ATP6V0A4: variants seen among roughly 807,000 people sequenced by gnomAD.
ATP6V0A4 encodes the protein V-type proton ATPase 116 kDa subunit a 4.
A neutral mutation model predicts 107.3 loss-of-function variants in ATP6V0A4; 86 were observed. The observed-to-expected ratio is 0.80, with a 90% confidence interval of 0.67 to 0.96. ATP6V0A4 has a LOEUF of 0.96. Among genes scored for constraint, ATP6V0A4 ranks in the 40% least tolerant of loss-of-function variants. The pLI is 0.00. For synonymous variants in ATP6V0A4, 353 were observed against 381.4 expected (o/e 0.93, Z 0.87); for missense variants, 908 against 1,045.6 (o/e 0.87, Z 1.81).
At chr7:138,739,398 T>C in intron 15 of ATP6V0A4, 142 bp downstream of exon 15, 1 of 1,059,256 alleles carries the variant, frequency 9.4e-7, no homozygotes, top group East Asian at 2.6e-5. Context: ...GCTCTATGTG[T>C]CACAAAAACG....
chr7:138,717,170 G>T (rs954857412), intron 19 of ATP6V0A4, among the ~76,000 whole-genome samples: 9 of 152,166 alleles, frequency 5.9e-5, no homozygotes, highest in Non-Finnish European at 1.2e-4. Context: ...TGGGAGCTCA[G>T]GTGGAACTAC....
chr7:138,784,400 G>A (rs1808089724), intron 2 of ATP6V0A4, among the ~76,000 whole-genome samples: 2 of 148,718 alleles, frequency 1.3e-5, no homozygotes, highest in Admixed American at 6.7e-5. Context: ...CTCACTGCAA[G>A]CTCCGTCTCC....
intron 5 of ATP6V0A4, among the ~76,000 whole-genome samples, chr7:138,768,212 G>A (rs1381966643): frequency 6.6e-6 from 1 of 152,146 alleles, no homozygotes; most frequent in Non-Finnish European, 1.5e-5. Flanking sequence ...GATTACAGGG[G>A]TGAGCCACTG....
At chr7:138,746,382 A>T (rs1322253441) in intron 13 of ATP6V0A4, among the ~76,000 whole-genome samples, 1 of 152,160 alleles carries the variant, frequency 6.6e-6, no homozygotes, top group Non-Finnish European at 1.5e-5. Context: ...AATGTTTACC[A>T]TACAAAATCA....
intron 18 of ATP6V0A4, among the ~76,000 whole-genome samples, chr7:138,724,189 CAAAAAAA>C (rs3080498): frequency 2.2e-5 from 2 of 92,818 alleles, no homozygotes; most frequent in Non-Finnish European, 4.2e-5. Flanking sequence ...GACTCTGCCT[CAAAAAAA>C]AAAAAAAAAA....
At chr7:138,719,797 A>C (rs1804337871) in intron 19 of ATP6V0A4, among the ~76,000 whole-genome samples, 1 of 152,184 alleles carries the variant, frequency 6.6e-6, no homozygotes, top group Non-Finnish European at 1.5e-5. Context: ...AGGTAGGCGG[A>C]TCACCTGAGG....
At chr7:138,787,779 C>T (rs2130213701) in intron 1 of ATP6V0A4, among the ~76,000 whole-genome samples, 1 of 152,278 alleles carries the variant, frequency 6.6e-6, no homozygotes, top group Non-Finnish European at 1.5e-5. Context: ...GGAAGGATCG[C>T]TTGAGCCCAG....
Position 138,749,269 on chromosome 7 carries a change from T to C in ATP6V0A4, c.1078A>G (p.Lys360Glu). 1 of 1,613,830 alleles carries C rather than the reference T, an allele frequency of 6.2e-7. No homozygotes were observed. The highest frequency in any genetic ancestry group is 8.5e-7 in the Non-Finnish European group (1 of 1,179,976). ...MAPIMTTVQS[K>E]TAPPTFNRTN... is the part of the protein sequence containing the mutation. ...CTGTTAAATGTGGGAGGGGCTGTTT[T>C]AGATTGCACTGTGGTCATGATGGGG... The change falls in exon 12 of 22, where the codon AAA becomes GAA. Residue 360 changes from lysine to glutamate, a missense_variant. By Grantham distance (56) the Lys-to-Glu change is moderately conservative. Transcript: ENST00000310018.
intron 13 of ATP6V0A4, among the ~76,000 whole-genome samples, chr7:138,745,688 T>C (rs1805888554): frequency 2.8e-5 from 2 of 70,592 alleles, no homozygotes; most frequent in African/African-American, 5.6e-5. Flanking sequence ...GTGTGATGGC[T>C]CACACCTGTA....
intron 2 of ATP6V0A4, among the ~76,000 whole-genome samples, chr7:138,783,518 G>C (rs1808013363): frequency 6.6e-6 from 1 of 152,088 alleles, no homozygotes; most frequent in Non-Finnish European, 1.5e-5. Context: ...TTGAGCCCAG[G>C]AGTTTCAGAC....
At chr7:138,707,783 G>C (rs935754594) in intron 21 of ATP6V0A4, among the ~76,000 whole-genome samples, 1 of 149,898 alleles carries the variant, frequency 6.7e-6, no homozygotes, top group Admixed American at 6.7e-5. Flanking sequence ...TTTCCTCCAG[G>C]CCTCTCTGCT....
chr7:138,772,879 C>CAGGT (rs1313375377), intron 2 of ATP6V0A4, among the ~76,000 whole-genome samples: 1 of 152,122 alleles, frequency 6.6e-6, no homozygotes, highest in Non-Finnish European at 1.5e-5. Context: ...TCACTTAGAA[C>CAGGT]AGGTGGCAGG....
chr7:138,778,412 C>T (rs1407333747), intron 2 of ATP6V0A4, among the ~76,000 whole-genome samples: 1 of 124,042 alleles, frequency 8.1e-6, no homozygotes, highest in Non-Finnish European at 1.7e-5. Context: ...GGGTCCCATC[C>T]CCAAGACATC....
intron 10 of ATP6V0A4, among the ~76,000 whole-genome samples, chr7:138,754,340 C>T (rs1563003393): frequency 6.6e-6 from 1 of 150,652 alleles, no homozygotes; most frequent in South Asian, 2.1e-4. Context: ...CCCAGCTACT[C>T]GGAAGGCTGA....
In ATP6V0A4 at chr7:138,745,602, G is replaced by A. The variant is rs955909875; in HGVS notation, c.1321-322C>T. ...CGAGGCAGGAGAATCACTTGAACCT[G>A]GGAGTTGGAGGCTGCAGTGAGCCAA... On this transcript the variant is annotated intron_variant, in intron 13 of 21. Transcript: ENST00000310018. 2.1e-5 allele frequency among the ~76,000 whole-genome samples: 3 copies of A among 142,962 alleles called. No homozygotes were observed. In the South Asian group the frequency reaches 6.6e-4, roughly 31 times the overall value. The allele number at this position is 142,962 out of a possible 152,430, so 93.8% of individuals were successfully genotyped here. A position where few individuals can be genotyped will look rare whatever the true frequency, so the allele number is the denominator to read the frequency against.
intron 11 of ATP6V0A4, 89 bp from the exon 12 acceptor site, chr7:138,749,406 G>A (rs985093254): frequency 1.3e-5 from 19 of 1,495,192 alleles, no homozygotes; most frequent in East Asian, 4.5e-5. Flanking sequence ...AGCTCCTGCC[G>A]TCCCTCACTG....
chr7:138,712,615 C>T (rs1803802150), intron 20 of ATP6V0A4, among the ~76,000 whole-genome samples: 1 of 152,098 alleles, frequency 6.6e-6, no homozygotes. Context: ...CCCATTTTTC[C>T]ACATTACCTC....
chr7:138,747,660 T>C, intron 12 of ATP6V0A4, 96 bp from the exon 13 acceptor site: 1 of 1,549,876 alleles, frequency 6.5e-7, no homozygotes. Flanking sequence ...TGCATGCGGG[T>C]TTCCTTAAGC....
intron 20 of ATP6V0A4, among the ~76,000 whole-genome samples, chr7:138,714,296 G>A (rs906864539): frequency 6.0e-5 from 9 of 151,196 alleles, no homozygotes; most frequent in African/African-American, 1.7e-4. Context: ...GGTCTGGAGT[G>A]CTGGGGCACT....
Sources: allele counts gnomAD v4.1 joint callset (sites outside exome capture counted in the v4.1 genomes callset), GRCh38; gene constraint gnomAD v4.1.1; transcripts MANE v1.5; gene names NCBI Gene and HGNC (gene_info 2026-07-23, HGNC 2026-07-21).